NR3C2: variants seen among roughly 807,000 people sequenced by gnomAD.
The protein encoded by NR3C2 is nuclear receptor subfamily 3 group C member 2, also known as mineralocorticoid receptor.
Under a neutral mutation model 86.4 loss-of-function variants are expected in NR3C2, and 15 were observed. The ratio of observed to expected loss-of-function variants is 0.17; its 90% CI spans 0.12 to 0.27. NR3C2 has a LOEUF of 0.27. Among genes scored for constraint, NR3C2 ranks in the 10% least tolerant of loss-of-function variants. The pLI, the probability that NR3C2 is intolerant of heterozygous loss-of-function variation, is 1.00. For missense variants in NR3C2, 960 were observed against 1,195.6 expected (o/e 0.80, Z 2.91); for synonymous variants, 458 against 450.5 (o/e 1.02, Z -0.21).
At chr4:148,188,552 G>C (rs2149797273) in intron 4 of NR3C2, among the ~76,000 whole-genome samples, 1 of 152,250 alleles carries the variant, frequency 6.6e-6, no homozygotes, top group South Asian at 2.1e-4. Flanking sequence ...TTGGTGTATA[G>C]AAGAGTTATT....
At position 148,235,993 on chromosome 4, in the gene NR3C2, G is replaced by T. The variant is rs564050038; in HGVS notation, c.1897+23985C>A. 7.4e-4 allele frequency among the ~76,000 whole-genome samples: 112 copies of T among 152,310 alleles called. 1 individual carries two copies. Among genetic ancestry groups the T allele is most frequent in the Middle Eastern group, 3.4e-3 (1 of 294 alleles). On this transcript the variant is annotated intron_variant, in intron 3 of 8. Coordinates refer to ENST00000358102, the MANE Select transcript of NR3C2 (RefSeq NM_000901.5). ...CTCCCTTGGCAGACGGCCACTGCCAGCAGCAGCGGGCAGATGCAAGATCTG... is the reference window on the plus strand; with the variant it reads ...CTCCCTTGGCAGACGGCCACTGCCATCAGCAGCGGGCAGATGCAAGATCTG...
intron 2 of NR3C2, among the ~76,000 whole-genome samples, chr4:148,367,108 T>C (rs1276992056): frequency 2.0e-5 from 3 of 152,246 alleles, no homozygotes; most frequent in East Asian, 3.9e-4. Context: ...TTTAAACAAG[T>C]GTTCATGTCA....
intron 2 of NR3C2, among the ~76,000 whole-genome samples, chr4:148,431,288 T>C (rs559559270): frequency 2.0e-5 from 3 of 152,160 alleles, no homozygotes; most frequent in Non-Finnish European, 4.4e-5. Context: ...CAGACTACCC[T>C]GAAAACCATG....
chr4:148,114,883 AAAG>A (rs1400353805), intron 7 of NR3C2, among the ~76,000 whole-genome samples: 12 of 152,218 alleles, frequency 7.9e-5, no homozygotes, highest in African/African-American at 2.7e-4. Context: ...CGCTGCATAC[AAAG>A]AAGCACTTTC....
chr4:148,143,501 A>G (rs1733717150), intron 6 of NR3C2, among the ~76,000 whole-genome samples: 1 of 152,148 alleles, frequency 6.6e-6, no homozygotes, highest in African/African-American at 2.4e-5. Flanking sequence ...TGTTTTATTT[A>G]CTGTTATATT....
chr4:148,413,064 A>G (rs2126576430), intron 2 of NR3C2, among the ~76,000 whole-genome samples: 1 of 152,332 alleles, frequency 6.6e-6, no homozygotes, highest in East Asian at 1.9e-4. Context: ...CCACACAAGC[A>G]TAATATTTTC....
At chr4:148,322,925 A>G (rs1743700065) in intron 2 of NR3C2, among the ~76,000 whole-genome samples, 1 of 144,542 alleles carries the variant, frequency 6.9e-6, no homozygotes, top group African/African-American at 2.5e-5. Context: ...CTGGTGAGGA[A>G]CTGCGTTCCT....
chr4:148,097,157 A>G (rs1263937148), intron 8 of NR3C2, among the ~76,000 whole-genome samples: 2 of 152,160 alleles, frequency 1.3e-5, no homozygotes, highest in Non-Finnish European at 2.9e-5. Flanking sequence ...ACCTATGGGC[A>G]TAAGGCTAGG....
At chr4:148,224,498 A>C (rs1045371067) in intron 3 of NR3C2, among the ~76,000 whole-genome samples, 1 of 152,238 alleles carries the variant, frequency 6.6e-6, no homozygotes, top group African/African-American at 2.4e-5. Flanking sequence ...GCAGCATTAC[A>C]TTGTGGGGAC....
intron 7 of NR3C2, among the ~76,000 whole-genome samples, chr4:148,119,657 A>G (rs1394899365): frequency 6.6e-6 from 1 of 152,050 alleles, no homozygotes; most frequent in Non-Finnish European, 1.5e-5. Context: ...ATGGTGGTGC[A>G]TGCCTGTAAT....
intron 2 of NR3C2, among the ~76,000 whole-genome samples, chr4:148,343,511 T>C (rs17024631): frequency 0.063 from 9,496 of 151,470 alleles, 416 homozygotes; most frequent in African/African-American, 0.13. Context: ...ATGCTTTTGG[T>C]CCCTGGGATT....
intron 7 of NR3C2, among the ~76,000 whole-genome samples, chr4:148,119,210 AAAATAAATGAAT>A (rs1237225974): frequency 1.3e-5 from 2 of 152,190 alleles, no homozygotes; most frequent in Admixed American, 6.5e-5. Context: ...GCACCTTTAA[AAAATAAATGAAT>A]ACGTAAATAA....
chr4:148,088,043 G>T (rs1730894698), intron 8 of NR3C2, among the ~76,000 whole-genome samples: 1 of 152,234 alleles, frequency 6.6e-6, no homozygotes, highest in Non-Finnish European at 1.5e-5. Context: ...ATCAAAAAGT[G>T]GGCAAAGGAT....
intron 3 of NR3C2, among the ~76,000 whole-genome samples, chr4:148,232,065 T>C (rs1358704970): frequency 6.6e-6 from 1 of 152,198 alleles, no homozygotes; most frequent in Non-Finnish European, 1.5e-5. Context: ...AAGTCATCCA[T>C]GATGGATGGA....
chr4:148,105,169 CAAAAT>C (rs1220974042), intron 8 of NR3C2, among the ~76,000 whole-genome samples: 1 of 152,036 alleles, frequency 6.6e-6, no homozygotes, highest in Admixed American at 6.6e-5. Flanking sequence ...ATGACTCTCT[CAAAAT>C]AATGTGTGAA....
chr4:148,290,124 CCTCT>C (rs1435521902), intron 2 of NR3C2, among the ~76,000 whole-genome samples: 7 of 152,098 alleles, frequency 4.6e-5, no homozygotes, highest in African/African-American at 9.7e-5. Context: ...TCTTCCGGGG[CCTCT>C]CTCTGTCTTC....
chr4:148,423,705 CTATTAT>C (rs761858763), intron 2 of NR3C2, among the ~76,000 whole-genome samples: 3 of 151,908 alleles, frequency 2.0e-5, no homozygotes, highest in Non-Finnish European at 1.5e-5. Context: ...TGAAAATTGC[CTATTAT>C]TATTATTATT....
At chr4:148,101,750 A>C (rs550199704) in intron 8 of NR3C2, among the ~76,000 whole-genome samples, 6 of 152,316 alleles carry the variant, frequency 3.9e-5, no homozygotes, top group South Asian at 4.1e-4. Context: ...ACACAAAGAC[A>C]TTGTATATTC....
At chr4:148,364,818 T>G (rs1746028433) in intron 2 of NR3C2, among the ~76,000 whole-genome samples, 1 of 151,560 alleles carries the variant, frequency 6.6e-6, no homozygotes, top group African/African-American at 2.4e-5. Flanking sequence ...CTTTGGGTTT[T>G]TTTTTTTTTT....
Sources: allele counts gnomAD v4.1 joint callset (sites outside exome capture counted in the v4.1 genomes callset), GRCh38; gene constraint gnomAD v4.1.1; transcripts MANE v1.5; gene names NCBI Gene and HGNC (gene_info 2026-07-23, HGNC 2026-07-21).